MAP3K13: variants seen among roughly 807,000 people sequenced by gnomAD.
MAP3K13 encodes leucine zipper-bearing kinase.
A neutral mutation model predicts 104.0 loss-of-function variants in MAP3K13; 52 were observed. That is an observed-to-expected ratio of 0.50 (90% confidence interval 0.40 to 0.63). The LOEUF (loss-of-function observed/expected upper bound fraction) is 0.63, where lower values mean the gene tolerates loss of function less well. MAP3K13 is among the 20% of genes least tolerant of loss of function. The probability of loss-of-function intolerance (pLI) is 0.00; values close to 1 mark genes in which losing one functional copy is unlikely to be tolerated. For synonymous variants in MAP3K13, 394 were observed against 442.2 expected, an observed-to-expected ratio of 0.89 and a Z score of 1.37; for missense variants, 914 against 1,218.5, an observed-to-expected ratio of 0.75 and a Z score of 3.72.
rs1329521554 is a variant in MAP3K13, at chr3:185,485,369, C to G, written c.*2913C>G. The G allele has an allele frequency of 6.6e-6, 1 of 152,210 alleles. No individual in the cohort carries two copies. Among genetic ancestry groups the G allele is most frequent in the Non-Finnish European group, 1.5e-5 (1 of 68,038 alleles). The allele number at this position is 152,210 out of a possible 1,614,324, so 9.4% of individuals were successfully genotyped here. On this transcript the variant is annotated 3_prime_UTR_variant, in exon 14 of 14. Transcript: ENST00000265026. ...TGGTATACAGTAGTCCCCTCTTACC[C>G]ATGGCTTCATTTTCATGGTTTCAGT...
At chr3:185,310,228 A>G (rs1721448034) in intron 2 of MAP3K13, among the ~76,000 whole-genome samples, 1 of 152,208 alleles carries the variant, frequency 6.6e-6, no homozygotes, top group Non-Finnish European at 1.5e-5. Context: ...CACTGACTAG[A>G]TTCTCTCTCT....
At position 185,368,355 on chromosome 3, in the gene MAP3K13, T is replaced by A. The variant is rs118182325; in HGVS notation, c.-86+4987T>A. ...TCTTTCTTCTGTTTACTATGGATTG[T>A]GAACATTAAGTATTGCCATGAATTG... On this transcript the variant is annotated intron_variant, in intron 1 of 13. Coordinates refer to ENST00000265026, the MANE Select transcript of MAP3K13 (RefSeq NM_004721.5). Among the ~76,000 whole-genome samples the A allele has an allele frequency of 9.2e-5, 14 of 152,312 alleles. No individual in the cohort carries two copies. In the East Asian group the frequency reaches 2.5e-3, roughly 27 times the overall value.
intron 1 of MAP3K13, among the ~76,000 whole-genome samples, chr3:185,411,370 T>C (rs1391889035): frequency 6.6e-6 from 1 of 152,234 alleles, no homozygotes; most frequent in East Asian, 1.9e-4. Context: ...TACAAAATCT[T>C]ATTACTGTTA....
chr3:185,358,341 T>C (rs1329073338), upstream of MAP3K13, among the ~76,000 whole-genome samples: 2 of 152,162 alleles, frequency 1.3e-5, no homozygotes, highest in Non-Finnish European at 2.9e-5. Flanking sequence ...TATTAAGTTG[T>C]AAAACAAATT....
At chr3:185,381,835 A>G (rs1724735953) in intron 1 of MAP3K13, among the ~76,000 whole-genome samples, 1 of 152,252 alleles carries the variant, frequency 6.6e-6, no homozygotes, top group Non-Finnish European at 1.5e-5. Flanking sequence ...AAGGTTATGT[A>G]TTGATCAGTT....
chr3:185,344,484 C>T (rs1722841129), intron 2 of MAP3K13, among the ~76,000 whole-genome samples: 1 of 152,194 alleles, frequency 6.6e-6, no homozygotes, highest in South Asian at 2.1e-4. Context: ...TTACCCTGCT[C>T]TGCTATACAC....
chr3:185,369,431 G>A (rs553297062), intron 1 of MAP3K13, among the ~76,000 whole-genome samples: 2 of 152,314 alleles, frequency 1.3e-5, no homozygotes, highest in South Asian at 4.1e-4. Context: ...GTGCCATTTT[G>A]GGGAGATTAG....
At chr3:185,361,125 TAC>T (rs1454758963), upstream of MAP3K13, among the ~76,000 whole-genome samples, 3 of 148,634 alleles carry the variant, frequency 2.0e-5, no homozygotes, top group African/African-American at 7.3e-5. Context: ...TGTGTGTGTA[TAC>T]ACACATATAT....
intron 2 of MAP3K13, among the ~76,000 whole-genome samples, chr3:185,311,374 G>A (rs978628362): frequency 1.3e-5 from 2 of 152,104 alleles, no homozygotes; most frequent in African/African-American, 4.8e-5. Flanking sequence ...GATCTCATAA[G>A]AGATTATTCA....
chr3:185,481,285 T>A (rs1204675668), intron 13 of MAP3K13: 1 of 152,042 alleles, frequency 6.6e-6, no homozygotes. Flanking sequence ...TCAAGATCAG[T>A]CTGAGCAACA....
chr3:185,413,639 T>C (rs533416135), intron 1 of MAP3K13, among the ~76,000 whole-genome samples: 53 of 152,200 alleles, frequency 3.5e-4, no homozygotes, highest in African/African-American at 1.3e-3. Flanking sequence ...CTGGCCAACA[T>C]GGTGAGACCC....
At chr3:185,466,005 C>G in intron 9 of MAP3K13, 142 bp downstream of exon 9, 2 of 671,812 alleles carry the variant, frequency 3.0e-6, no homozygotes, top group Non-Finnish European at 5.2e-6. Context: ...ATGTGCTATG[C>G]ACAGGTCCCT....
In MAP3K13 at chr3:185,473,301, A is replaced by C; in HGVS notation, c.1970A>C (p.Asn657Thr). The change falls in exon 11 of 14, where the codon AAT (asparagine) becomes ACT (threonine). Residue 657 changes from asparagine to threonine, a missense_variant. By Grantham distance (65) the Asn-to-Thr change is moderately conservative. Transcript: ENST00000265026. The surrounding 1 kb of genome is among the most constrained non-coding windows in gnomAD (Gnocchi z 4.9). The stretch of plus-strand genomic sequence containing the variant: ...TCCCAGAGTCACCATCCCAGACTCA[A>C]TATGCACGGACAGGACATAGCAACC... ...AMSQSHHPRL[N>T]MHGQDIATCA... is the part of the protein sequence containing the mutation. 6.2e-7 allele frequency: 1 copy of C among 1,614,238 alleles called. No individual in the cohort carries two copies. The highest frequency in any genetic ancestry group is 1.3e-5 in the African/African-American group (1 of 75,052).
chr3:185,455,751 T>C lies in MAP3K13; in HGVS notation c.1278+4356T>C, dbSNP rs201711480. On this transcript the variant is annotated intron_variant, in intron 7 of 13. Transcript: ENST00000265026. ...ATATATATATGAGATATATATATGA[T>C]ATATATATGAGATATATATATGATA... is the stretch of plus-strand genomic sequence containing the variant. Among the ~76,000 whole-genome samples the C allele has an allele frequency of 1.7e-3, 21 of 12,400 alleles. 2 individuals are homozygous for C. In the South Asian group the frequency reaches 0.028, roughly 17 times the overall value. 8.1% of individuals were successfully genotyped at this position (12,400 alleles called of 152,430 possible). A position where few individuals can be genotyped will look rare whatever the true frequency, so the allele number is the denominator to read the frequency against.
chr3:185,316,906 T>C (rs1347938719), intron 2 of MAP3K13, among the ~76,000 whole-genome samples: 1 of 152,216 alleles, frequency 6.6e-6, no homozygotes, highest in African/African-American at 2.4e-5. Flanking sequence ...TTTAATTTGA[T>C]CCTATAATTA....
chr3:185,340,546 G>T (rs1722680146), intron 2 of MAP3K13, among the ~76,000 whole-genome samples: 1 of 152,204 alleles, frequency 6.6e-6, no homozygotes, highest in African/African-American at 2.4e-5. Flanking sequence ...CAGGGCTTAA[G>T]TGTCCCTTTT....
intron 2 of MAP3K13, among the ~76,000 whole-genome samples, chr3:185,435,169 A>ATT (rs35103398): frequency 0.011 from 1,608 of 140,964 alleles, 29 homozygotes; most frequent in African/African-American, 0.035. Flanking sequence ...ATGCCTGGCT[A>ATT]TTTTTTTTTT....
At position 185,451,348 on chromosome 3, in the gene MAP3K13, T is replaced by G; in HGVS notation, c.1231T>G (p.Ser411Ala). 9.9e-6 allele frequency: 16 copies of G among 1,613,850 alleles called. No homozygotes were observed. The highest frequency in any genetic ancestry group is 1.4e-5 in the Non-Finnish European group (16 of 1,179,764). ...GACACTCATGCATTTAGACATTGCC[T>G]CTGCAGATGTACTTGCCACCCCACA... ...RQTLMHLDIA[S>A]ADVLATPQET... The change falls in exon 7 of 14, where the codon TCT becomes GCT. Residue 411 changes from serine to alanine, a missense_variant. By Grantham distance (99) the Ser-to-Ala change is moderately conservative. This residue lies in a region of MAP3K13 where 583 missense variants were observed against 737.4 expected (regional missense o/e 0.79). Coordinates refer to ENST00000265026, the MANE Select transcript of MAP3K13 (RefSeq NM_004721.5).
At chr3:185,369,920 G>A (rs11718277) in intron 1 of MAP3K13, among the ~76,000 whole-genome samples, 72,776 of 152,032 alleles carry the variant, frequency 0.48, 19,244 homozygotes, top group Middle Eastern at 0.63. Context: ...ATTGGACTAA[G>A]ACTGTAGGAG....
Sources: allele counts gnomAD v4.1 joint callset (sites outside exome capture counted in the v4.1 genomes callset), GRCh38; gene constraint gnomAD v4.1.1; regional missense constraint gnomAD v4.1.1; non-coding constraint Gnocchi (gnomAD v3.1); transcripts MANE v1.5; gene names NCBI Gene and HGNC (gene_info 2026-07-23, HGNC 2026-07-21).